HOOK3: variants seen among roughly 807,000 people sequenced by gnomAD.
HOOK3 encodes hook microtubule tethering protein 3, also known as protein Hook homolog 3.
A neutral mutation model predicts 116.3 loss-of-function variants in HOOK3; 24 were observed. The observed-to-expected ratio is 0.21, with a 90% CI of 0.15 to 0.29. The LOEUF (loss-of-function observed/expected upper bound fraction) is 0.29, where lower values mean the gene tolerates loss of function less well. HOOK3 is among the 10% of genes least tolerant of loss of function. HOOK3 has a pLI of 1.00. For missense variants in HOOK3, 632 were observed against 830.2 expected (o/e 0.76, Z 2.93); for synonymous variants, 275 against 283.0 (o/e 0.97, Z 0.28).
At chr8:43,014,340 A>T (rs565601018) in intron 21 of HOOK3, among the ~76,000 whole-genome samples, 1 of 147,758 alleles carries the variant, frequency 6.8e-6, no homozygotes, top group Non-Finnish European at 1.5e-5. Flanking sequence ...ACCAGATTCC[A>T]TTTATTTATT....
At chr8:42,933,469 C>T (rs1807908858) in intron 4 of HOOK3, among the ~76,000 whole-genome samples, 1 of 152,130 alleles carries the variant, frequency 6.6e-6, no homozygotes, top group African/African-American at 2.4e-5. Flanking sequence ...ATTAACATTT[C>T]TGCAGCAAAA....
In HOOK3 at chr8:43,028,084, T is replaced by C. The variant is rs1809966384; in HGVS notation, c.*9586T>C. On this transcript the variant is annotated 3_prime_UTR_variant, in exon 22 of 22. Coordinates refer to ENST00000307602, the MANE Select transcript of HOOK3 (RefSeq NM_032410.4). ...TTCCTTTAAGCTAGTCTTCAGTATA[T>C]ATTTTTCTAAGAACAGATTCTCAAT... The C allele has an allele frequency of 5.3e-6, 1 of 189,674 alleles. No homozygotes were observed. Among genetic ancestry groups the C allele is most frequent in the Non-Finnish European group, 1.1e-5 (1 of 90,442 alleles). The allele number at this position is 189,674 out of a possible 1,614,324, so 11.7% of individuals were successfully genotyped here. A position where few individuals can be genotyped will look rare whatever the true frequency, so the allele number is the denominator to read the frequency against.
chr8:42,970,069 A>G (rs1324933277), intron 11 of HOOK3, among the ~76,000 whole-genome samples: 1 of 152,108 alleles, frequency 6.6e-6, no homozygotes, highest in East Asian at 1.9e-4. Context: ...TGTTTTGCAC[A>G]TTTAGGTATT....
At chr8:43,018,210 A>G (rs1187818832) in intron 21 of HOOK3, 148 bp from the exon 22 acceptor site, 15 of 677,538 alleles carry the variant, frequency 2.2e-5, no homozygotes, top group Non-Finnish European at 3.3e-5. Flanking sequence ...AAATGCCTCT[A>G]TGAGATTTTA....
intron 6 of HOOK3, among the ~76,000 whole-genome samples, chr8:42,951,707 C>G (rs1170404295): frequency 6.6e-6 from 1 of 152,040 alleles, no homozygotes; most frequent in Non-Finnish European, 1.5e-5. Flanking sequence ...GTTTGGGAGG[C>G]CGAGGCAGGC....
chr8:42,910,771 C>A (rs1297481248), intron 2 of HOOK3, among the ~76,000 whole-genome samples: 1 of 152,140 alleles, frequency 6.6e-6, no homozygotes, highest in Non-Finnish European at 1.5e-5. Flanking sequence ...GATAAAACTA[C>A]CAGCCACATA....
intron 7 of HOOK3, among the ~76,000 whole-genome samples, chr8:42,958,326 T>C (rs1808472659): frequency 6.6e-6 from 1 of 152,154 alleles, no homozygotes; most frequent in African/African-American, 2.4e-5. Flanking sequence ...TTTTTTTATC[T>C]ACCACACAGA....
rs749792898 is a variant in HOOK3, at chr8:42,943,315, T to A, written c.270T>A (p.Ile90=). Residue 90 remains isoleucine, a splice_region_variant and synonymous_variant, in exon 5 of 22, where the codon ATT becomes ATA. Transcript: ENST00000307602. ...LKGILDYNHE[I]LGQQINDFTL... is the part of the protein sequence containing the mutation. ...ATAATCCTTTTATCTCCATTCAGATTTTAGGACAGCAAATTAATGACTTTA... is the reference window on the plus strand; with the variant it reads ...ATAATCCTTTTATCTCCATTCAGATATTAGGACAGCAAATTAATGACTTTA... 1 of 1,479,824 alleles carries A rather than the reference T, an allele frequency of 6.8e-7. No individual in the cohort carries two copies. The highest frequency in any genetic ancestry group is 1.5e-5 in the South Asian group (1 of 67,630). 91.7% of individuals were successfully genotyped at this position (1,479,824 alleles called of 1,614,324 possible). A position where few individuals can be genotyped will look rare whatever the true frequency, so the allele number is the denominator to read the frequency against.
intron 5 of HOOK3, among the ~76,000 whole-genome samples, chr8:42,948,985 A>G (rs1393380043): frequency 1.3e-5 from 2 of 152,264 alleles, no homozygotes; most frequent in Admixed American, 6.5e-5. Context: ...AAGCTTTAGC[A>G]TTAACCAGAA....
intron 2 of HOOK3, among the ~76,000 whole-genome samples, chr8:42,922,610 A>G (rs552519845): frequency 6.6e-6 from 1 of 152,160 alleles, no homozygotes; most frequent in South Asian, 2.1e-4. Context: ...AGAAAGTGGA[A>G]AAACATGGCC....
intron 4 of HOOK3, among the ~76,000 whole-genome samples, chr8:42,940,629 G>A (rs1450321577): frequency 6.6e-6 from 1 of 152,214 alleles, no homozygotes; most frequent in African/African-American, 2.4e-5. Flanking sequence ...CTGTTAGTCT[G>A]ATGGGCTTCC....
chr8:42,904,308 T>C (rs1429995034), intron 1 of HOOK3, among the ~76,000 whole-genome samples: 1 of 142,322 alleles, frequency 7.0e-6, no homozygotes, highest in African/African-American at 2.6e-5. Flanking sequence ...GGTATGATCT[T>C]TTTTTTTTTT....
intron 10 of HOOK3, 59 bp from the exon 11 acceptor site, chr8:42,967,954 A>G: frequency 1.0e-6 from 1 of 964,770 alleles, no homozygotes; most frequent in South Asian, 1.4e-5. Context: ...CTTAACACTG[A>G]AACAACTTTA....
At position 42,964,002 on chromosome 8, in the gene HOOK3, T is replaced by A. The variant is rs188411178; in HGVS notation, c.616-309T>A. On this transcript the variant is annotated intron_variant, in intron 8 of 21. Transcript: ENST00000307602. ...GCAGGCGGATCATGAGGTCAAGAGA[T>A]CAAGACCATTCTGGCTAACATGGTG... 8.5e-5 allele frequency among the ~76,000 whole-genome samples: 13 copies of A among 152,090 alleles called. No homozygotes were observed. In the East Asian group the frequency reaches 1.7e-3, roughly 20 times the overall value.
At chr8:42,917,448 G>GC (rs1288510909) in intron 2 of HOOK3, among the ~76,000 whole-genome samples, 1 of 152,104 alleles carries the variant, frequency 6.6e-6, no homozygotes, top group East Asian at 1.9e-4. Flanking sequence ...TCTGTGACCA[G>GC]CCCCCATCCT....
At chr8:42,952,674 ATTCT>A (rs1808364428) in intron 6 of HOOK3, among the ~76,000 whole-genome samples, 1 of 152,214 alleles carries the variant, frequency 6.6e-6, no homozygotes, top group Non-Finnish European at 1.5e-5. Flanking sequence ...CTCTAGGGAA[ATTCT>A]TTATTACCCA....
intron 16 of HOOK3, 74 bp from the exon 17 acceptor site, chr8:43,002,033 A>C: frequency 1.0e-6 from 1 of 987,350 alleles, no homozygotes; most frequent in Non-Finnish European, 1.6e-6. Context: ...TGACTATTGT[A>C]CTTTTAACTT....
intron 13 of HOOK3, among the ~76,000 whole-genome samples, chr8:42,982,099 C>CA (rs1452828776): frequency 1.4e-5 from 2 of 145,380 alleles, no homozygotes; most frequent in Non-Finnish European, 3.0e-5. Context: ...TCTAAAAATA[C>CA]AAAAAATTAG....
In HOOK3 at chr8:43,026,694, A is replaced by C; in HGVS notation, c.*8196A>C. The stretch of plus-strand genomic sequence containing the variant: ...CCTGCAGATTGCCCCTAACTTCAGC[A>C]GTGCCTCCGTCACTGCATGTACCTA... On this transcript the variant is annotated 3_prime_UTR_variant, in exon 22 of 22. Coordinates refer to ENST00000307602, the MANE Select transcript of HOOK3 (RefSeq NM_032410.4). The C allele has an allele frequency of 4.5e-6, 1 of 222,310 alleles. No homozygotes were observed. 13.8% of individuals were successfully genotyped at this position (222,310 alleles called of 1,614,324 possible).
Sources: allele counts gnomAD v4.1 joint callset (sites outside exome capture counted in the v4.1 genomes callset), GRCh38; gene constraint gnomAD v4.1.1; transcripts MANE v1.5; gene names NCBI Gene and HGNC (gene_info 2026-07-23, HGNC 2026-07-21).